MYO16: variants seen among roughly 807,000 people sequenced by gnomAD.
The protein encoded by MYO16 is myosin XVI.
Under a neutral mutation model 205.3 loss-of-function variants are expected in MYO16, and 94 were observed. The ratio of observed to expected loss-of-function variants is 0.46; its 90% CI spans 0.39 to 0.54. The LOEUF (loss-of-function observed/expected upper bound fraction) is 0.54. Ranked by LOEUF, MYO16 falls within the 20% of genes least tolerant of loss-of-function variation. The pLI is 0.00. For missense variants in MYO16, 2,315 were observed against 2,387.5 expected (o/e 0.97, Z 0.63); for synonymous variants, 988 against 954.0 (o/e 1.04, Z -0.66).
intron 31 of MYO16, among the ~76,000 whole-genome samples, chr13:109,131,848 C>T (rs754250347): frequency 1.3e-5 from 2 of 152,158 alleles, no homozygotes; most frequent in African/African-American, 2.4e-5. Flanking sequence ...AACATTCTCT[C>T]GAATTGTCTC....
At chr13:109,158,042 A>G (rs1878160594) in intron 32 of MYO16, among the ~76,000 whole-genome samples, 1 of 152,154 alleles carries the variant, frequency 6.6e-6, no homozygotes, top group South Asian at 2.1e-4. Flanking sequence ...GAATCAGTGG[A>G]GAGCTCCCTA....
chr13:109,011,932 A>G (rs963459831), intron 22 of MYO16, among the ~76,000 whole-genome samples: 2 of 152,180 alleles, frequency 1.3e-5, no homozygotes, highest in Non-Finnish European at 2.9e-5. Context: ...CTGTAGTGGT[A>G]TGGTTTGGTA....
intron 10 of MYO16, among the ~76,000 whole-genome samples, chr13:108,850,774 G>A (rs1036129751): frequency 6.6e-6 from 1 of 152,178 alleles, no homozygotes; most frequent in Non-Finnish European, 1.5e-5. Flanking sequence ...CGTGAGAAAT[G>A]CAAGGAACTC....
At chr13:108,978,545 G>A (rs1226824544) in intron 20 of MYO16, among the ~76,000 whole-genome samples, 1 of 151,656 alleles carries the variant, frequency 6.6e-6, no homozygotes, top group East Asian at 1.9e-4. Context: ...ATTTTTTGAT[G>A]TTGAATCATT....
chr13:109,123,364 CAT>C (rs554722234), intron 29 of MYO16, among the ~76,000 whole-genome samples: 75 of 152,322 alleles, frequency 4.9e-4, no homozygotes, highest in Non-Finnish European at 8.8e-4. Flanking sequence ...GGCACATCCA[CAT>C]TAATCTTCTC....
Position 108,806,750 on chromosome 13 carries a change from C to T in MYO16, c.813C>T (p.Asn271=). The T allele has an allele frequency of 6.2e-7, 1 of 1,613,238 alleles. No individual in the cohort carries two copies. The highest frequency in any genetic ancestry group is 8.5e-7 in the Non-Finnish European group (1 of 1,179,332). ...SLILEHGGDL[N]IVDDQYWTPL... is the part of the protein sequence containing the mutation. ...TCCTGGAACATGGTGGAGACCTCAA[C>T]ATAGTAGATGATCAGTACTGGACTC... Residue 271 remains asparagine (N), a synonymous_variant, in exon 7 of 35, where the codon AAC becomes AAT. Coordinates refer to ENST00000457511, the MANE Select transcript of MYO16 (RefSeq NM_001198950.3).
At chr13:109,107,074 C>T (rs1043183346) in intron 28 of MYO16, among the ~76,000 whole-genome samples, 1 of 152,026 alleles carries the variant, frequency 6.6e-6, no homozygotes, top group African/African-American at 2.4e-5. Context: ...AACTTCATCC[C>T]AAGTACCGGC....
In MYO16 at chr13:108,964,681, A is replaced by G. The variant is rs900739686; in HGVS notation, c.2228-80A>G. ...TGTCTTGTGGATGTGTGGGGAATTA[A>G]TAGGATATGTGGAGTTTTGGTTGGC... is the stretch of plus-strand genomic sequence containing the variant. On this transcript the variant is annotated intron_variant, in intron 19 of 34. Coordinates refer to ENST00000457511, the MANE Select transcript of MYO16 (RefSeq NM_001198950.3). 11 of 1,427,846 alleles carry G rather than the reference A, an allele frequency of 7.7e-6. No homozygotes were observed. The African/African-American group carries it at 1.3e-4, about 17-fold the overall frequency. The allele number at this position is 1,427,846 out of a possible 1,614,324, so 88.4% of individuals were successfully genotyped here.
At chr13:108,697,412 G>A (rs1883132619) in intron 2 of MYO16, among the ~76,000 whole-genome samples, 1 of 152,170 alleles carries the variant, frequency 6.6e-6, no homozygotes, top group Non-Finnish European at 1.5e-5. Flanking sequence ...CCCAAAAGAG[G>A]TCTAGAGATT....
At chr13:109,150,193 T>C (rs577117688) in intron 32 of MYO16, among the ~76,000 whole-genome samples, 1 of 152,308 alleles carries the variant, frequency 6.6e-6, no homozygotes, top group African/African-American at 2.4e-5. Flanking sequence ...AAAGTCTTCA[T>C]CGTTTGTCTC....
At chr13:108,510,185 C>T in the MYO16 span, among the ~76,000 whole-genome samples, 64 of 152,202 alleles carry the variant, frequency 4.2e-4, no homozygotes, top group African/African-American at 1.3e-3. Flanking sequence ...GGCGCTATCT[C>T]GGCTCACTGC....
At chr13:108,894,488 AAC>A (rs1482093313) in intron 14 of MYO16, among the ~76,000 whole-genome samples, 2 of 152,182 alleles carry the variant, frequency 1.3e-5, no homozygotes, top group African/African-American at 4.8e-5. Context: ...ACACTGTCAC[AAC>A]ACACAGTACT....
chr13:109,020,766 G>A (rs1005976273), intron 23 of MYO16, among the ~76,000 whole-genome samples: 15 of 152,052 alleles, frequency 9.9e-5, no homozygotes, highest in East Asian at 1.9e-4. Context: ...TACAGATGGC[G>A]TGCTAGAGGG....
chr13:109,129,862 T>C (rs1876443128), intron 31 of MYO16, among the ~76,000 whole-genome samples: 1 of 151,852 alleles, frequency 6.6e-6, no homozygotes, highest in Admixed American at 6.6e-5. Context: ...AAGCTAAAGG[T>C]TTGTGTGCAC....
intron 23 of MYO16, among the ~76,000 whole-genome samples, chr13:109,026,261 T>G (rs1205105378): frequency 6.6e-6 from 1 of 152,100 alleles, no homozygotes; most frequent in East Asian, 1.9e-4. Flanking sequence ...TTACAGATCT[T>G]GAGATGAGGA....
At chr13:108,700,674 C>T (rs1254276232) in intron 2 of MYO16, among the ~76,000 whole-genome samples, 1 of 152,134 alleles carries the variant, frequency 6.6e-6, no homozygotes, top group Non-Finnish European at 1.5e-5. Flanking sequence ...AAACCTTTTC[C>T]CTGGGGCATT....
intron 15 of MYO16, among the ~76,000 whole-genome samples, chr13:108,900,722 G>A (rs1358468214): frequency 6.6e-6 from 1 of 152,140 alleles, no homozygotes; most frequent in East Asian, 1.9e-4. Context: ...TGTACGAATT[G>A]TTTGTAGAGC....
chr13:108,727,564 T>C lies in MYO16; in HGVS notation c.488T>C (p.Ile163Thr). 2 of 1,611,898 alleles carry C rather than the reference T, an allele frequency of 1.2e-6. No individual in the cohort carries two copies. The highest frequency in any genetic ancestry group is 1.7e-6 in the Non-Finnish European group (2 of 1,179,440). Residue 163 changes from isoleucine (I) to threonine (T), a missense_variant, in exon 4 of 35, where the codon ATT becomes ACT. Transcript: ENST00000457511. ...HIACACDNPD[I>T]VLLLVLAGAN... ...GCCTGTGCCTGCGATAACCCTGATA[T>C]TGTCCTGCTTCTTGTATTAGTAAGT...
intron 4 of MYO16, among the ~76,000 whole-genome samples, chr13:108,755,354 A>G (rs1193140037): frequency 2.0e-5 from 3 of 152,178 alleles, no homozygotes; most frequent in African/African-American, 7.2e-5. Context: ...AATGTGCAGC[A>G]TTGAACATAG....
Sources: gnomAD v4.1 joint callset for allele counts (sites outside exome capture counted in the v4.1 genomes callset) on GRCh38, gnomAD v4.1.1 for gene constraint, MANE v1.5 for transcripts, NCBI Gene and HGNC (gene_info 2026-07-23, HGNC 2026-07-21) for gene names.